Variants in IFI27L1 observed in about 807,000 individuals in gnomAD.
IFI27L1 encodes the protein interferon alpha-inducible protein 27-like protein 1.
IFI27L1 carries 3 observed loss-of-function variants against 9.2 expected under a neutral mutation model. The ratio of observed to expected loss-of-function variants is 0.32; its 90% CI spans 0.15 to 0.84. The LOEUF (loss-of-function observed/expected upper bound fraction) is 0.84, where lower values mean the gene tolerates loss of function less well. IFI27L1 is among the 40% of genes least tolerant of loss of function. The pLI is 0.56. For missense variants in IFI27L1, 133 were observed against 134.2 expected (o/e 0.99, Z 0.05); for synonymous variants, 53 against 50.0 (o/e 1.06, Z -0.26).
chr14:94,101,885 T>C lies in IFI27L1; in HGVS notation c.133T>C (p.Ser45Pro). 2 of 1,614,198 alleles carry C rather than the reference T, an allele frequency of 1.2e-6. No individual in the cohort carries two copies. The highest frequency in any genetic ancestry group is 1.7e-6 in the Non-Finnish European group (2 of 1,180,026). ...GFTSVGIAAS[S>P]IAAKMMSTAA... ...CACCTCAGTAGGAATCGCCGCATCC[T>C]CCATAGCAGCCAAGATGATGTCTAC... is the stretch of plus-strand genomic sequence containing the variant. The change falls in exon 4 of 5, where the codon TCC (serine) becomes CCC (proline). Residue 45 changes from serine (S) to proline (P), a missense_variant. Transcript: ENST00000555523.
intron 1 of IFI27L1, among the ~76,000 whole-genome samples, chr14:94,096,522 T>C (rs984487313): frequency 2.0e-5 from 3 of 152,036 alleles, no homozygotes; most frequent in African/African-American, 4.8e-5. Flanking sequence ...GGTGAAACCC[T>C]GTCTCTACTA....
rs776628930 is a variant in IFI27L1, at chr14:94,081,344, A to T, written c.-157A>T. The T allele has an allele frequency of 6.6e-6, 1 of 152,128 alleles. No homozygotes were observed. Among genetic ancestry groups the T allele is most frequent in the Admixed American group, 6.6e-5 (1 of 15,264 alleles). 9.4% of individuals were successfully genotyped at this position (152,128 alleles called of 1,614,324 possible). ...GGGAGAGCTGGCTTGGGGCGCTGGC[A>T]CCTCCTCTTACAGCTTTACTCCTGC... On this transcript the variant is annotated 5_prime_UTR_variant, in exon 1 of 5. Coordinates refer to ENST00000555523, the MANE Select transcript of IFI27L1 (RefSeq NM_206949.3).
intron 1 of IFI27L1, among the ~76,000 whole-genome samples, chr14:94,090,266 A>T (rs1344991506): frequency 6.6e-6 from 1 of 152,226 alleles, no homozygotes; most frequent in Non-Finnish European, 1.5e-5. Flanking sequence ...GGGTCAGTCT[A>T]AATTGCAGAA....
At chr14:94,097,696 G>A (rs1339173871) in intron 2 of IFI27L1, 2 of 702,292 alleles carry the variant, frequency 2.8e-6, no homozygotes, top group Admixed American at 4.0e-5. Context: ...AGCATTCACG[G>A]ATAGATTGCT....
At chr14:94,101,079 A>G (rs904476634) in intron 3 of IFI27L1, 16 of 562,270 alleles carry the variant, frequency 2.8e-5, no homozygotes, top group African/African-American at 2.1e-4. Context: ...AGCAGGGCCC[A>G]TGGTATCCTT....
chr14:94,099,206 A>C (rs1418745634), intron 2 of IFI27L1, among the ~76,000 whole-genome samples: 4 of 152,222 alleles, frequency 2.6e-5, no homozygotes, highest in African/African-American at 7.2e-5. Context: ...GCAGGCGCAC[A>C]AGTGGGGAGG....
intron 2 of IFI27L1, chr14:94,100,392 C>A (rs899338052): frequency 2.0e-6 from 2 of 985,274 alleles, no homozygotes; most frequent in East Asian, 1.1e-4. Context: ...TCCCTGCCCC[C>A]GTGGCAGCCA....
intron 2 of IFI27L1, 91 bp from the exon 3 acceptor site, chr14:94,100,648 G>A: frequency 6.3e-7 from 1 of 1,599,308 alleles, no homozygotes; most frequent in Non-Finnish European, 8.5e-7. Flanking sequence ...GAATAGCAAA[G>A]TTGAATTTGA....
intron 1 of IFI27L1, among the ~76,000 whole-genome samples, chr14:94,084,192 C>G (rs1431335133): frequency 6.6e-6 from 1 of 152,190 alleles, no homozygotes; most frequent in Non-Finnish European, 1.5e-5. Context: ...TTACAGAGCT[C>G]AGACCTGACT....
At position 94,102,558 on chromosome 14, in the gene IFI27L1, C is replaced by G; in HGVS notation, c.305C>G (p.Pro102Arg). The G allele has an allele frequency of 1.9e-6, 3 of 1,561,788 alleles. No individual in the cohort carries two copies. ...TALGAWLGSP[P>R]SS ...CTTGGGGCCTGGCTGGGTTCACCCC[C>G]TTCCAGCTGAACACCACACTGAGGC... Residue 102 changes from proline (P) to arginine (R), a missense_variant, in exon 5 of 5, where the codon CCT (proline) becomes CGT (arginine). Transcript: ENST00000555523.
chr14:94,092,739 T>A (rs55719992), intron 1 of IFI27L1, among the ~76,000 whole-genome samples: 44,158 of 152,038 alleles, frequency 0.29, 6,784 homozygotes, highest in East Asian at 0.51. Flanking sequence ...CCCAAATCTC[T>A]TCTTGAATTG....
intron 1 of IFI27L1, among the ~76,000 whole-genome samples, chr14:94,084,785 A>G (rs1382104990): frequency 6.6e-6 from 1 of 152,212 alleles, no homozygotes; most frequent in East Asian, 1.9e-4. Flanking sequence ...GAGTCTTCAC[A>G]ATGCCTGGGA....
chr14:94,091,690 ACT>A (rs1440650457), intron 1 of IFI27L1, among the ~76,000 whole-genome samples: 1 of 146,234 alleles, frequency 6.8e-6, no homozygotes, highest in African/African-American at 2.6e-5. Context: ...TGAAACAATA[ACT>A]CAGAATTTTT....
chr14:94,097,739 G>T (rs1241017718), intron 2 of IFI27L1: 2 of 700,964 alleles, frequency 2.9e-6, no homozygotes, highest in African/African-American at 1.7e-5. Context: ...AGTCAAGGAG[G>T]ACTCCAGGCC....
chr14:94,097,461 G>T (rs770391185), intron 2 of IFI27L1: 1 of 594,094 alleles, frequency 1.7e-6, no homozygotes. Flanking sequence ...TGGCATAAGC[G>T]ACTCCATTTT....
chr14:94,083,719 A>G (rs1886186751), intron 1 of IFI27L1, among the ~76,000 whole-genome samples: 1 of 152,246 alleles, frequency 6.6e-6, no homozygotes, highest in African/African-American at 2.4e-5. Flanking sequence ...CTATTCTTTC[A>G]ACTTTTTTGA....
At chr14:94,092,488 GC>G in intron 1 of IFI27L1, among the ~76,000 whole-genome samples, 2 of 152,236 alleles carry the variant, frequency 1.3e-5, no homozygotes, top group East Asian at 3.9e-4. Flanking sequence ...TCCAGTCTGG[GC>G]AACAGAGCGA....
chr14:94,090,303 T>A lies in IFI27L1; in HGVS notation c.-51-6584T>A. Among the ~76,000 whole-genome samples the A allele has an allele frequency of 1.3e-5, 2 of 152,238 alleles. 1 individual carries two copies. The highest frequency in any genetic ancestry group is 3.8e-4 in the East Asian group (2 of 5,200). ...AAAACTCAAAAACAACTGATGAGACTAGAATTTAATAACTGGTGTACCACA... is the reference window on the plus strand; with the variant it reads ...AAAACTCAAAAACAACTGATGAGACAAGAATTTAATAACTGGTGTACCACA... On this transcript the variant is annotated intron_variant, in intron 1 of 4. Transcript: ENST00000555523.
At chr14:94,090,343 A>T (rs1365015821) in intron 1 of IFI27L1, among the ~76,000 whole-genome samples, 1 of 152,110 alleles carries the variant, frequency 6.6e-6, no homozygotes, top group African/African-American at 2.4e-5. Context: ...TTGAAACCTA[A>T]TTTTTCTCTC....
Sources: allele counts gnomAD v4.1 joint callset (sites outside exome capture counted in the v4.1 genomes callset), GRCh38; gene constraint gnomAD v4.1.1; transcripts MANE v1.5; gene names NCBI Gene and HGNC (gene_info 2026-07-23, HGNC 2026-07-21).